ABR: variants seen among roughly 807,000 people sequenced by gnomAD.
ABR encodes the protein active breakpoint cluster region-related protein.
A neutral mutation model predicts 107.2 loss-of-function variants in ABR; 35 were observed. The ratio of observed to expected loss-of-function variants is 0.33; its 90% CI spans 0.25 to 0.43. The LOEUF (loss-of-function observed/expected upper bound fraction) is 0.43. ABR is among the 20% of genes least tolerant of loss of function. ABR has a pLI of 1.00. For synonymous variants in ABR, 498 were observed against 462.0 expected (o/e 1.08, Z -1.00); for missense variants, 815 against 1,115.2 (o/e 0.73, Z 3.83).
chr17:1,226,778 C>G (rs2043229429), intron 1 of ABR, among the ~76,000 whole-genome samples: 1 of 149,568 alleles, frequency 6.7e-6, no homozygotes. Flanking sequence ...ATGCATGTGA[C>G]AGTGTACCAT....
chr17:1,093,977 C>T (rs568218092), intron 3 of ABR, among the ~76,000 whole-genome samples: 5 of 152,076 alleles, frequency 3.3e-5, no homozygotes, highest in Non-Finnish European at 5.9e-5. Context: ...CTAGAAACAA[C>T]GGCCCCTCAG....
In ABR at chr17:1,107,724, CG is replaced by C. The variant is rs1348786779; in HGVS notation, c.247-6990del. Among the ~76,000 whole-genome samples the C allele has an allele frequency of 3.9e-5, 6 of 152,192 alleles. No homozygotes were observed. In the East Asian group the frequency reaches 9.6e-4, roughly 24 times the overall value. ...AAGTGCAGAGGCCTCCCTGAGCCCA[CG>C]GGGAGACGTGACTTACCCCCACGGC... On this transcript the variant is annotated intron_variant, in intron 2 of 22. Coordinates refer to ENST00000302538, the MANE Select transcript of ABR (RefSeq NM_021962.5).
intron 1 of ABR, among the ~76,000 whole-genome samples, chr17:1,213,420 C>T (rs564028330): frequency 1.0e-3 from 159 of 152,280 alleles, no homozygotes; most frequent in African/African-American, 3.0e-3. Flanking sequence ...GACGGAGTCT[C>T]GCTCTGTCCC....
At chr17:1,178,871 C>A (rs1033494977) in intron 1 of ABR, among the ~76,000 whole-genome samples, 8 of 147,778 alleles carry the variant, frequency 5.4e-5, no homozygotes, top group African/African-American at 2.0e-4. Flanking sequence ...GGGCGGGGGG[C>A]GGCTCTCGGT....
chr17:1,068,440 G>A (rs1326999324), intron 9 of ABR, among the ~76,000 whole-genome samples: 1 of 152,054 alleles, frequency 6.6e-6, no homozygotes, highest in East Asian at 1.9e-4. Flanking sequence ...CCCCTGTGCT[G>A]TACTTGGGGG....
In ABR at chr17:1,005,739, G is replaced by C; in HGVS notation, c.*341C>G. The C allele has an allele frequency of 2.9e-6, 1 of 347,714 alleles. No individual in the cohort carries two copies. The allele number at this position is 347,714 out of a possible 1,614,324, so 21.5% of individuals were successfully genotyped here. On this transcript the variant is annotated 3_prime_UTR_variant, in exon 23 of 23. Transcript: ENST00000302538. ...GCGGAAAGAAAGTGCTGGAGGAAAT[G>C]AAAGAACAAAGCGGGCTGTCTGTGT...
At chr17:1,075,401 G>A (rs1485811387) in intron 6 of ABR, among the ~76,000 whole-genome samples, 5 of 152,236 alleles carry the variant, frequency 3.3e-5, no homozygotes, top group African/African-American at 4.8e-5. Context: ...CGCCCTAGCC[G>A]GGCCCCAAAC....
chr17:1,031,690 G>T (rs146613429), intron 16 of ABR: 110,644 of 1,253,940 alleles, frequency 0.088, 5,365 homozygotes, highest in Middle Eastern at 0.11. Context: ...AGCGCCAGGG[G>T]TTCGCGCCCC....
intron 1 of ABR, among the ~76,000 whole-genome samples, chr17:1,143,416 C>T (rs372541772): frequency 2.8e-4 from 12 of 42,922 alleles, no homozygotes; most frequent in Non-Finnish European, 3.4e-4. Context: ...GGGCAGCTCG[C>T]TCCTGGGGGA....
At chr17:1,215,541 C>T (rs2042984232) in intron 1 of ABR, among the ~76,000 whole-genome samples, 1 of 152,166 alleles carries the variant, frequency 6.6e-6, no homozygotes, top group African/African-American at 2.4e-5. Flanking sequence ...TCACTGAGTG[C>T]TCAATGGTGC....
chr17:1,111,267 T>C (rs2038660664), intron 2 of ABR, among the ~76,000 whole-genome samples: 1 of 152,064 alleles, frequency 6.6e-6, no homozygotes, highest in Non-Finnish European at 1.5e-5. Context: ...CTTCCCAAAA[T>C]CCCTGAACCC....
chr17:1,180,403 T>C (rs1397122354), upstream of ABR, among the ~76,000 whole-genome samples: 3 of 152,136 alleles, frequency 2.0e-5, no homozygotes, highest in African/African-American at 4.8e-5. Context: ...GTGAACGTCC[T>C]GCGCGCCGCG....
intron 3 of ABR, 25 bp downstream of exon 3, chr17:1,100,612 G>A: frequency 6.2e-7 from 1 of 1,605,452 alleles, no homozygotes. Context: ...GGACCGGAAG[G>A]CCCCAGAGCA....
At chr17:1,206,145 T>C (rs1418393234) in intron 1 of ABR, among the ~76,000 whole-genome samples, 2 of 152,168 alleles carry the variant, frequency 1.3e-5, no homozygotes, top group African/African-American at 4.8e-5. Context: ...TAGCTGGGTG[T>C]GGTGGCACAC....
chr17:1,166,660 C>G (rs2041521240), intron 1 of ABR, among the ~76,000 whole-genome samples: 1 of 152,178 alleles, frequency 6.6e-6, no homozygotes. Context: ...CCTGGTCCTT[C>G]CCATCCAGTG....
chr17:1,048,356 G>T (rs555345219), intron 16 of ABR, among the ~76,000 whole-genome samples: 1 of 152,332 alleles, frequency 6.6e-6, no homozygotes, highest in African/African-American at 2.4e-5. Flanking sequence ...CCTGAGATGG[G>T]GCAGCGAGTG....
At chr17:1,033,198 G>A (rs1364770111) in intron 16 of ABR, among the ~76,000 whole-genome samples, 1 of 152,182 alleles carries the variant, frequency 6.6e-6, no homozygotes, top group Admixed American at 6.5e-5. Context: ...ACGAGCCCTC[G>A]GCATCCGGCG....
At chr17:1,083,841 A>C (rs1219646659) in intron 4 of ABR, 21 of 544,854 alleles carry the variant, frequency 3.9e-5, no homozygotes, top group Non-Finnish European at 1.0e-5. Flanking sequence ...CAATAAGGTT[A>C]ATGAGGGGGT....
chr17:1,153,445 G>A (rs2245580), intron 1 of ABR, among the ~76,000 whole-genome samples: 17,506 of 56,110 alleles, frequency 0.31, 793 homozygotes, highest in African/African-American at 0.37. Flanking sequence ...AGGGCTGGGG[G>A]TCCAGGCACA....
Sources: gnomAD v4.1 joint callset for allele counts (sites outside exome capture counted in the v4.1 genomes callset) on GRCh38, gnomAD v4.1.1 for gene constraint, MANE v1.5 for transcripts, NCBI Gene and HGNC (gene_info 2026-07-23, HGNC 2026-07-21) for gene names.